Variants in IFT52 observed in about 807,000 individuals in gnomAD.
IFT52 encodes the protein intraflagellar transport protein 52 homolog.
A neutral mutation model predicts 54.4 loss-of-function variants in IFT52; 44 were observed. That is an observed-to-expected ratio of 0.81 (90% CI 0.63 to 1.04). The LOEUF is 1.04. Among genes scored for constraint, IFT52 ranks in the 50% least tolerant of loss-of-function variants. The probability of loss-of-function intolerance (pLI) is 0.00; values close to 1 mark genes in which losing one functional copy is unlikely to be tolerated. For synonymous variants in IFT52, 181 were observed against 185.3 expected (o/e 0.98, Z 0.19); for missense variants, 452 against 523.6 (o/e 0.86, Z 1.33).
At position 43,604,277 on chromosome 20, in the gene IFT52, G is replaced by C; in HGVS notation, c.413+19G>C. ...TGAACAGGTAAGCATGTTGAAAGCA[G>C]AAATATCTTGGCAAGGCATCGTCGC... On this transcript the variant is annotated intron_variant, in intron 5 of 13. Transcript: ENST00000373030. 1 of 1,573,416 alleles carries C rather than the reference G, an allele frequency of 6.4e-7. No individual in the cohort carries two copies. The highest frequency in any genetic ancestry group is 8.7e-7 in the Non-Finnish European group (1 of 1,143,390).
chr20:43,601,772 G>A (rs1404121796), intron 3 of IFT52, among the ~76,000 whole-genome samples: 2 of 152,216 alleles, frequency 1.3e-5, no homozygotes, highest in African/African-American at 2.4e-5. Context: ...GGCTGTCTGG[G>A]AAGAGGAGTT....
At chr20:43,597,429 T>C (rs1394204386) in intron 3 of IFT52, among the ~76,000 whole-genome samples, 2 of 151,642 alleles carry the variant, frequency 1.3e-5, no homozygotes, top group African/African-American at 4.9e-5. Flanking sequence ...TTTATTATTC[T>C]AGTTCATGGA....
In IFT52 at chr20:43,620,904, G is replaced by C; in HGVS notation, c.747G>C (p.Gln249His). The C allele has an allele frequency of 6.2e-7, 1 of 1,611,902 alleles. No individual in the cohort carries two copies. The highest frequency in any genetic ancestry group is 8.5e-7 in the Non-Finnish European group (1 of 1,179,070). ...CGACAGGAGACATCCACCTAAACCAGATTGATGCTGAGGACCCAGAGGTAG... is the reference window on the plus strand; with the variant it reads ...CGACAGGAGACATCCACCTAAACCACATTGATGCTGAGGACCCAGAGGTAG... ...WLTTGDIHLN[Q>H]IDAEDPEISD... Residue 249 changes from glutamine (Q) to histidine (H), a missense_variant, in exon 9 of 14, where the codon CAG becomes CAC. Transcript: ENST00000373030.
rs1004479078 is a variant in IFT52 at position 43,623,756 on chromosome 20, G to T, written c.769-135G>T. 3.0e-6 allele frequency: 3 copies of T among 987,662 alleles called. No homozygotes were observed. The African/African-American group carries it at 4.9e-5, about 16-fold the overall frequency. The allele number at this position is 987,662 out of a possible 1,614,324, so 61.2% of individuals were successfully genotyped here. On this transcript the variant is annotated intron_variant, in intron 9 of 13. Transcript: ENST00000373030. ...TAAATTGGCTTATTTAAGGTTTAGT[G>T]TCAGTGATCATGAACAGTAAAATTT...
intron 11 of IFT52, 91 bp downstream of exon 11, chr20:43,636,104 C>A: frequency 8.6e-7 from 1 of 1,168,070 alleles, no homozygotes; most frequent in Non-Finnish European, 1.3e-6. Context: ...CTTCCATGTG[C>A]CATTTGTGGC....
intron 3 of IFT52, among the ~76,000 whole-genome samples, chr20:43,597,105 C>T (rs1364881012): frequency 6.6e-6 from 1 of 151,414 alleles, no homozygotes; most frequent in African/African-American, 2.4e-5. Context: ...GGCGCGGTGG[C>T]TCACACCTGT....
intron 3 of IFT52, among the ~76,000 whole-genome samples, chr20:43,598,639 G>A (rs544559897): frequency 6.6e-6 from 1 of 152,242 alleles, no homozygotes; most frequent in South Asian, 2.1e-4. Flanking sequence ...AGGTTGCAGT[G>A]AGCCGAGATT....
chr20:43,616,555 G>T (rs539706372), intron 7 of IFT52, among the ~76,000 whole-genome samples: 1 of 149,704 alleles, frequency 6.7e-6, no homozygotes, highest in African/African-American at 2.5e-5. Flanking sequence ...TACAATAATT[G>T]TAGAAAAAAT....
At chr20:43,598,968 T>G (rs557766856) in intron 3 of IFT52, among the ~76,000 whole-genome samples, 74 of 152,004 alleles carry the variant, frequency 4.9e-4, no homozygotes, top group African/African-American at 1.5e-3. Context: ...GGGGAAGAGG[T>G]CCACTGGGGA....
At chr20:43,593,390 C>T (rs541885724) in intron 1 of IFT52, among the ~76,000 whole-genome samples, 1 of 152,290 alleles carries the variant, frequency 6.6e-6, no homozygotes, top group Admixed American at 6.5e-5. Context: ...AAATGATTTA[C>T]TCAGCCATTC....
At chr20:43,602,136 A>ATTTTTT (rs66546319) in intron 3 of IFT52, among the ~76,000 whole-genome samples, 42 of 140,318 alleles carry the variant, frequency 3.0e-4, no homozygotes, top group East Asian at 2.8e-3. Context: ...CTTTGAGCTG[A>ATTTTTT]TTTTTATTTT....
At position 43,604,301 on chromosome 20, in the gene IFT52, G is replaced by A. The variant is rs753237950; in HGVS notation, c.413+43G>A. The stretch of plus-strand genomic sequence containing the variant: ...AGAAATATCTTGGCAAGGCATCGTC[G>A]CTCACACCTGTAATCCCAGCACTTT... On this transcript the variant is annotated intron_variant, in intron 5 of 13. Coordinates refer to ENST00000373030, the MANE Select transcript of IFT52 (RefSeq NM_016004.5). The A allele has an allele frequency of 1.1e-5, 15 of 1,387,154 alleles. No individual in the cohort carries two copies. In the South Asian group the frequency reaches 1.7e-4, roughly 16 times the overall value. 85.9% of individuals were successfully genotyped at this position (1,387,154 alleles called of 1,614,324 possible).
At chr20:43,622,366 A>G (rs550488838) in intron 9 of IFT52, among the ~76,000 whole-genome samples, 1 of 152,096 alleles carries the variant, frequency 6.6e-6, no homozygotes, top group South Asian at 2.1e-4. Context: ...TGGGAGGCCG[A>G]GGCGGGCGGA....
chr20:43,639,729 C>T (rs906121527), intron 12 of IFT52, among the ~76,000 whole-genome samples: 3 of 151,928 alleles, frequency 2.0e-5, no homozygotes, highest in African/African-American at 7.3e-5. Context: ...TTCCTAGCTA[C>T]TTGGAAGGCT....
At chr20:43,641,810 T>G (rs1037968639) in intron 12 of IFT52, among the ~76,000 whole-genome samples, 1 of 151,806 alleles carries the variant, frequency 6.6e-6, no homozygotes, top group Non-Finnish European at 1.5e-5. Context: ...TTTTGTTTTG[T>G]TTGAGATGGA....
At chr20:43,632,055 A>G (rs1327356945) in intron 10 of IFT52, among the ~76,000 whole-genome samples, 1 of 150,828 alleles carries the variant, frequency 6.6e-6, no homozygotes. Flanking sequence ...CCTCCCGAGT[A>G]GCTGGGATTA....
At chr20:43,620,620 C>A (rs1984220233) in intron 8 of IFT52, among the ~76,000 whole-genome samples, 1 of 152,180 alleles carries the variant, frequency 6.6e-6, no homozygotes, top group Non-Finnish European at 1.5e-5. Context: ...TGCGCCACCG[C>A]ACTCTAACCA....
In IFT52 at chr20:43,620,868, C is replaced by T. The variant is rs752931776; in HGVS notation, c.711C>T (p.Phe237=). ...TTTTTTTAATTTAGGATGTTGTTTT[C>T]CAGTGGCTCACGACAGGAGACATCC... ...EENSKIMDVV[F]QWLTTGDIHL... Residue 237 remains phenylalanine (F), a synonymous_variant, in exon 9 of 14, where the codon TTC becomes TTT. Transcript: ENST00000373030. The T allele has an allele frequency of 1.9e-6, 3 of 1,606,954 alleles. No individual in the cohort carries two copies. Among genetic ancestry groups the T allele is most frequent in the Admixed American group, 1.7e-5 (1 of 59,496 alleles).
chr20:43,632,297 G>A (rs1473272970), intron 10 of IFT52, among the ~76,000 whole-genome samples: 1 of 148,000 alleles, frequency 6.8e-6, no homozygotes, highest in Non-Finnish European at 1.5e-5. Flanking sequence ...GTCTTGCTCT[G>A]TCTCCCAGGC....
Sources: allele counts gnomAD v4.1 joint callset (sites outside exome capture counted in the v4.1 genomes callset), GRCh38; gene constraint gnomAD v4.1.1; transcripts MANE v1.5; gene names NCBI Gene and HGNC (gene_info 2026-07-23, HGNC 2026-07-21).